NUP93: variants seen among roughly 807,000 people sequenced by gnomAD.
NUP93 encodes the protein nucleoporin 93, also known as nuclear pore complex protein Nup93.
In NUP93, 55 loss-of-function variants were observed where a neutral mutation model predicts 107.8. The ratio of observed to expected loss-of-function variants is 0.51; its 90% CI spans 0.41 to 0.64. The LOEUF is 0.64. NUP93 is among the 30% of genes least tolerant of loss of function. The pLI, the probability that NUP93 is intolerant of heterozygous loss-of-function variation, is 0.00. For synonymous variants in NUP93, 390 were observed against 397.5 expected (o/e 0.98, Z 0.22); for missense variants, 937 against 1,044.7 (o/e 0.90, Z 1.42).
intron 7 of NUP93, among the ~76,000 whole-genome samples, chr16:56,822,644 T>A (rs1173784935): frequency 2.1e-5 from 3 of 142,820 alleles, no homozygotes; most frequent in Non-Finnish European, 3.0e-5. Flanking sequence ...CACTGCAACC[T>A]CCACCTCCTG....
At chr16:56,832,672 T>G (rs1376690065) in intron 12 of NUP93, among the ~76,000 whole-genome samples, 4 of 152,232 alleles carry the variant, frequency 2.6e-5, no homozygotes, top group Non-Finnish European at 4.4e-5. Flanking sequence ...AAAAGAAGAC[T>G]TAGCTGTTGC....
intron 3 of NUP93, among the ~76,000 whole-genome samples, chr16:56,776,778 C>T (rs1304519893): frequency 2.6e-5 from 4 of 152,208 alleles, no homozygotes; most frequent in Non-Finnish European, 5.9e-5. Context: ...AGAGCTCTCT[C>T]TGTAAGGAAA....
intron 4 of NUP93, among the ~76,000 whole-genome samples, chr16:56,800,262 A>C (rs1252332849): frequency 6.6e-6 from 1 of 152,242 alleles, no homozygotes; most frequent in African/African-American, 2.4e-5. Context: ...AGAGAAATTC[A>C]CTTGATTCAG....
intron 3 of NUP93, among the ~76,000 whole-genome samples, chr16:56,761,581 A>C (rs1962127408): frequency 1.3e-5 from 2 of 151,774 alleles, no homozygotes; most frequent in Non-Finnish European, 2.9e-5. Context: ...TGAGGTGAGA[A>C]TGCACCCTAA....
intron 3 of NUP93, among the ~76,000 whole-genome samples, chr16:56,787,607 C>G (rs114637243): frequency 0.013 from 1,944 of 152,186 alleles, 39 homozygotes; most frequent in African/African-American, 0.045. Context: ...TATGACAAAG[C>G]TGGGGATCTG....
Position 56,730,773 on chromosome 16 carries a change from C to T in NUP93, c.-15+562C>T, listed in dbSNP as rs572936602. ...CACCCTTCTCTGTGCTTACTCCATC[C>T]CGTTCCCTGCAGAGGCGATGCCCAA... On this transcript the variant is annotated intron_variant, in intron 1 of 21. Transcript: ENST00000308159. Among the ~76,000 whole-genome samples, 9 of 152,294 alleles carry T rather than the reference C, an allele frequency of 5.9e-5. No individual in the cohort carries two copies. In the East Asian group the frequency reaches 1.5e-3, roughly 26 times the overall value.
At chr16:56,758,482 A>G in intron 2 of NUP93, 56 bp from the exon 3 acceptor site, 2 of 1,301,970 alleles carry the variant, frequency 1.5e-6, no homozygotes, top group Non-Finnish European at 2.2e-6. Flanking sequence ...AGATGTCCTA[A>G]TCCTAATCCT....
chr16:56,785,473 T>A (rs1310014566), intron 3 of NUP93, among the ~76,000 whole-genome samples: 1 of 152,184 alleles, frequency 6.6e-6, no homozygotes, highest in East Asian at 1.9e-4. Flanking sequence ...AGTTTTCTCA[T>A]GAAATTTTAG....
intron 3 of NUP93, among the ~76,000 whole-genome samples, chr16:56,788,978 G>A (rs1208519037): frequency 1.3e-5 from 2 of 152,002 alleles, no homozygotes; most frequent in Non-Finnish European, 2.9e-5. Context: ...TTTTTTACCC[G>A]ATGCTGAAAT....
chr16:56,747,736 G>A (rs925099526), intron 1 of NUP93, among the ~76,000 whole-genome samples: 1 of 152,148 alleles, frequency 6.6e-6, no homozygotes, highest in Admixed American at 6.5e-5. Context: ...CTGTGGATTG[G>A]AATTTGTTCT....
rs1215374519 is a variant in NUP93 at position 56,758,526 on chromosome 16, A to G, written c.180-12A>G. 1.1e-5 allele frequency: 18 copies of G among 1,593,524 alleles called. No homozygotes were observed. The highest frequency in any genetic ancestry group is 1.5e-5 in the Non-Finnish European group (18 of 1,161,486). On this transcript the variant is annotated splice_polypyrimidine_tract_variant and intron_variant, in intron 2 of 21. Transcript: ENST00000308159. ...CCTTACTTATATCTCCCTATTCTAT[A>G]TCCTCACATAGGTCAGTTCTCCTCG...
chr16:56,740,101 G>A (rs866575311), intron 1 of NUP93, among the ~76,000 whole-genome samples: 718 of 112,290 alleles, frequency 6.4e-3, no homozygotes, highest in African/African-American at 0.02. Flanking sequence ...CCTCCCGGAC[G>A]GGGCGGCTGG....
chr16:56,733,552 G>A (rs1476705718), intron 1 of NUP93, among the ~76,000 whole-genome samples: 1 of 152,124 alleles, frequency 6.6e-6, no homozygotes, highest in Non-Finnish European at 1.5e-5. Context: ...CCCACGAGAA[G>A]GAAGCATTGG....
chr16:56,822,261 T>A (rs1386302547), intron 7 of NUP93, among the ~76,000 whole-genome samples: 1 of 151,930 alleles, frequency 6.6e-6, no homozygotes. Flanking sequence ...TCTGTAACCC[T>A]AGCACGTTTT....
At chr16:56,815,881 C>CTGCTGCTGCTGCTGG (rs1963413831) in intron 5 of NUP93, among the ~76,000 whole-genome samples, 2 of 103,896 alleles carry the variant, frequency 1.9e-5, no homozygotes, top group Admixed American at 9.0e-5. Flanking sequence ...GCTGCTGCTG[C>CTGCTGCTGCTGCTGG]TGCTGCTGCT....
chr16:56,738,947 T>TTC (rs1333397493), intron 1 of NUP93, among the ~76,000 whole-genome samples: 1 of 130,398 alleles, frequency 7.7e-6, no homozygotes, highest in Non-Finnish European at 1.6e-5. Flanking sequence ...CTAAATTTCT[T>TTC]TTTTTTTTTT....
At chr16:56,808,503 T>TATATAGTTATGTAACTATATATAA (rs1383918385) in intron 5 of NUP93, among the ~76,000 whole-genome samples, 1,400 of 114,894 alleles carry the variant, frequency 0.012, 114 homozygotes, top group East Asian at 0.079. Flanking sequence ...ACTATATAAA[T>TATATAGTTATGTAACTATATATAA]ATATAGTTAT....
chr16:56,760,646 G>T (rs951990033), intron 3 of NUP93, among the ~76,000 whole-genome samples: 1 of 152,102 alleles, frequency 6.6e-6, no homozygotes, highest in Admixed American at 6.5e-5. Flanking sequence ...GCACCAAGAG[G>T]ATGGTATTAA....
intron 1 of NUP93, among the ~76,000 whole-genome samples, chr16:56,739,093 GAA>G (rs1431361221): frequency 2.0e-5 from 3 of 149,366 alleles, no homozygotes; most frequent in Non-Finnish European, 3.0e-5. Flanking sequence ...AGAACAAAAT[GAA>G]AAGTCTCCCA....
Sources: allele counts gnomAD v4.1 joint callset (sites outside exome capture counted in the v4.1 genomes callset), GRCh38; gene constraint gnomAD v4.1.1; transcripts MANE v1.5; gene names NCBI Gene and HGNC (gene_info 2026-07-23, HGNC 2026-07-21).